RPSA2: variants seen among roughly 807,000 people sequenced by gnomAD.
The protein encoded by RPSA2 is small ribosomal subunit protein uS2B.
At chr19:23,801,085 T>A in the RPSA2 span, among the ~76,000 whole-genome samples, 1 of 152,186 alleles carries the variant, frequency 6.6e-6, no homozygotes, top group Non-Finnish European at 1.5e-5. Context: ...TCTCTTTTTC[T>A]CCTCTTGCTA....
the RPSA2 span, among the ~76,000 whole-genome samples, chr19:23,856,609 T>C: frequency 4.6e-5 from 7 of 152,174 alleles, no homozygotes; most frequent in African/African-American, 1.4e-4. Flanking sequence ...TAAAACCATG[T>C]TGGCATGCCA....
the RPSA2 span, among the ~76,000 whole-genome samples, chr19:23,851,747 C>A: frequency 5.3e-5 from 8 of 152,196 alleles, no homozygotes. Context: ...TCAGTGAACG[C>A]TGTAACGGCC....
chr19:23,799,793 G>T, the RPSA2 span, among the ~76,000 whole-genome samples: 149,026 of 152,350 alleles, frequency 0.98, 72,978 homozygotes, highest in Middle Eastern at 1. Context: ...TATCTTGTCA[G>T]GAAGATGTGA....
At chr19:23,851,509 T>G in the RPSA2 span, among the ~76,000 whole-genome samples, 3 of 152,200 alleles carry the variant, frequency 2.0e-5, no homozygotes, top group Non-Finnish European at 4.4e-5. Context: ...GTTGTAACCT[T>G]GAAGATAAGC....
the RPSA2 span, among the ~76,000 whole-genome samples, chr19:23,802,698 T>TGAAC: frequency 5.3e-5 from 8 of 152,094 alleles, no homozygotes; most frequent in Non-Finnish European, 1.0e-4. Context: ...CTCAAACAGA[T>TGAAC]AAATTGATTC....
the RPSA2 span, among the ~76,000 whole-genome samples, chr19:23,814,846 G>A: frequency 3.3e-5 from 5 of 151,964 alleles, no homozygotes; most frequent in Non-Finnish European, 4.4e-5. Context: ...TTGTTGTTGT[G>A]TTTGTTGTTT....
the RPSA2 span, among the ~76,000 whole-genome samples, chr19:23,792,571 GT>G: frequency 1.0e-5 from 1 of 99,434 alleles, no homozygotes; most frequent in African/African-American, 3.7e-5. Context: ...TAGCAACTAA[GT>G]TTTTTTGTTT....
At chr19:23,761,931 T>TCTCTCTCTCTCTCTCTCTCTTTCTCTCTC in the RPSA2 span, among the ~76,000 whole-genome samples, 8 of 61,714 alleles carry the variant, frequency 1.3e-4, no homozygotes, top group African/African-American at 5.2e-4. Flanking sequence ...TTTTTTTTTT[T>TCTCTCTCTCTCTCTCTCTCTTTCTCTCTC]TTTTGAGATG....
the RPSA2 span, among the ~76,000 whole-genome samples, chr19:23,845,551 G>A: frequency 1.3e-5 from 2 of 152,172 alleles, no homozygotes; most frequent in Non-Finnish European, 2.9e-5. Context: ...GAGTGCAGTG[G>A]AACAATCTTG....
chr19:23,794,379 A>C, the RPSA2 span, among the ~76,000 whole-genome samples: 1 of 152,162 alleles, frequency 6.6e-6, no homozygotes, highest in African/African-American at 2.4e-5. Flanking sequence ...TTAACTTTTT[A>C]ATAGCCCTTC....
chr19:23,775,887 A>G, the RPSA2 span, among the ~76,000 whole-genome samples: 2 of 152,226 alleles, frequency 1.3e-5, no homozygotes, highest in African/African-American at 2.4e-5. Context: ...GGGTATATAC[A>G]GGATTGTTAA....
the RPSA2 span, among the ~76,000 whole-genome samples, chr19:23,850,917 C>T: frequency 1.4e-4 from 21 of 152,168 alleles, no homozygotes; most frequent in Admixed American, 6.5e-5. Context: ...GTGATTGGCC[C>T]GTTCCACAAC....
At chr19:23,839,202 A>C in the RPSA2 span, among the ~76,000 whole-genome samples, 1 of 152,202 alleles carries the variant, frequency 6.6e-6, no homozygotes, top group Non-Finnish European at 1.5e-5. Context: ...CGCAATGCTC[A>C]TTAAGGAGCA....
the RPSA2 span, among the ~76,000 whole-genome samples, chr19:23,767,876 C>A: frequency 1.4e-5 from 2 of 146,418 alleles, no homozygotes; most frequent in Non-Finnish European, 3.0e-5. Context: ...AAGCTGTTCT[C>A]CTGCCTCAGC....
At chr19:23,820,665 T>C in the RPSA2 span, among the ~76,000 whole-genome samples, 46 of 138,754 alleles carry the variant, frequency 3.3e-4, no homozygotes, top group South Asian at 5.1e-3. Flanking sequence ...TTCTTTGTAT[T>C]TATTTCTTTG....
At chr19:23,856,732 C>T in the RPSA2 span, among the ~76,000 whole-genome samples, 115 of 152,178 alleles carry the variant, frequency 7.6e-4, no homozygotes, top group Non-Finnish European at 6.8e-4. Context: ...ACAGCTGGGC[C>T]GCTGGGGGTG....
At chr19:23,791,776 A>G in the RPSA2 span, among the ~76,000 whole-genome samples, 6 of 6,570 alleles carry the variant, frequency 9.1e-4, no homozygotes, top group South Asian at 0.071. Flanking sequence ...GACTTGCTCT[A>G]TCTCTGAGAC....
At chr19:23,783,203 C>T in the RPSA2 span, among the ~76,000 whole-genome samples, 1 of 152,032 alleles carries the variant, frequency 6.6e-6, no homozygotes, top group Non-Finnish European at 1.5e-5. Flanking sequence ...TCAAGCAATT[C>T]TCTTGGCTCA....
the RPSA2 span, among the ~76,000 whole-genome samples, chr19:23,825,988 C>G: frequency 1.4e-5 from 2 of 147,548 alleles, no homozygotes; most frequent in Non-Finnish European, 3.0e-5. Context: ...TTAAAACTAT[C>G]ATAACTCTGT....
Sources: gnomAD v4.1 joint callset for allele counts (sites outside exome capture counted in the v4.1 genomes callset) on GRCh38, gnomAD v4.1.1 for gene constraint, MANE v1.5 for transcripts, NCBI Gene and HGNC (gene_info 2026-07-23, HGNC 2026-07-21) for gene names.